The following COL5A2 variants were observed in gnomAD, a reference collection of about 807,000 sequenced individuals.
COL5A2 encodes the protein collagen type V alpha 2 chain, also known as collagen alpha-2(V) chain.
In COL5A2, 23 loss-of-function variants were observed where a neutral mutation model predicts 208.2. The observed-to-expected ratio is 0.11, with a 90% CI of 0.08 to 0.16. COL5A2 has a LOEUF of 0.16. COL5A2 is among the 10% of genes least tolerant of loss of function. COL5A2 has a pLI of 1.00. For missense variants in COL5A2, 1,590 were observed against 1,956.4 expected (o/e 0.81, Z 3.53); for synonymous variants, 625 against 628.5 (o/e 0.99, Z 0.08).
chr2:189,336,755 T>C, the COL5A2 span, among the ~76,000 whole-genome samples: 5 of 152,176 alleles, frequency 3.3e-5, no homozygotes, highest in African/African-American at 9.7e-5. Flanking sequence ...GATGGAACTG[T>C]TATGTATTGG....
At chr2:189,390,053 G>A in the COL5A2 span, among the ~76,000 whole-genome samples, 8 of 151,962 alleles carry the variant, frequency 5.3e-5, no homozygotes, top group South Asian at 4.2e-4. Flanking sequence ...CTGAGCCCTA[G>A]AACAGATTCA....
chr2:189,190,216 A>G (rs1688906210), intron 1 of COL5A2, among the ~76,000 whole-genome samples: 1 of 152,184 alleles, frequency 6.6e-6, no homozygotes, highest in African/African-American at 2.4e-5. Flanking sequence ...GAGTGATATC[A>G]TCTCATGAGA....
the COL5A2 span, among the ~76,000 whole-genome samples, chr2:189,377,467 G>A: frequency 3.3e-5 from 5 of 152,088 alleles, no homozygotes; most frequent in African/African-American, 4.8e-5. Context: ...GGAATTCATG[G>A]TGCTTTCATG....
the COL5A2 span, among the ~76,000 whole-genome samples, chr2:189,380,877 A>G: frequency 6.6e-6 from 1 of 152,010 alleles, no homozygotes; most frequent in African/African-American, 2.4e-5. Flanking sequence ...TAGAAATTCA[A>G]AAACTCAGAG....
chr2:189,409,203 T>C, the COL5A2 span, among the ~76,000 whole-genome samples: 2 of 115,454 alleles, frequency 1.7e-5, no homozygotes, highest in African/African-American at 2.8e-5. Context: ...ATAAATTTAC[T>C]CTTTTTTTTT....
At chr2:189,308,366 C>A in the COL5A2 span, among the ~76,000 whole-genome samples, 1 of 152,116 alleles carries the variant, frequency 6.6e-6, no homozygotes, top group Non-Finnish European at 1.5e-5. Flanking sequence ...AAAATCCAGC[C>A]TGACTCTCTA....
intron 25 of COL5A2, 34 bp from the exon 26 acceptor site, chr2:189,064,067 T>G: frequency 6.4e-7 from 1 of 1,570,590 alleles, no homozygotes; most frequent in Non-Finnish European, 8.8e-7. Context: ...AGTTTGTTGC[T>G]GATATGCAGT....
At chr2:189,173,095 C>T (rs1688605225) in intron 1 of COL5A2, among the ~76,000 whole-genome samples, 2 of 151,178 alleles carry the variant, frequency 1.3e-5, no homozygotes, top group Non-Finnish European at 2.9e-5. Flanking sequence ...CTCAGCCTCC[C>T]GAGTAGCTTG....
chr2:189,270,553 T>C, the COL5A2 span, among the ~76,000 whole-genome samples: 2 of 152,172 alleles, frequency 1.3e-5, no homozygotes, highest in Non-Finnish European at 2.9e-5. Flanking sequence ...AGTTTCTTAA[T>C]CCTGAGTTCT....
At chr2:189,430,764 C>T in the COL5A2 span, among the ~76,000 whole-genome samples, 1 of 152,214 alleles carries the variant, frequency 6.6e-6, no homozygotes, top group South Asian at 2.1e-4. Context: ...CAGGGCATAG[C>T]TGAACAAAAG....
At chr2:189,129,310 T>C (rs944471047) in intron 1 of COL5A2, among the ~76,000 whole-genome samples, 3 of 151,982 alleles carry the variant, frequency 2.0e-5, no homozygotes, top group African/African-American at 4.8e-5. Flanking sequence ...ACTCCTTACA[T>C]TTCACTAAAA....
At chr2:189,362,418 A>G in the COL5A2 span, among the ~76,000 whole-genome samples, 2 of 152,128 alleles carry the variant, frequency 1.3e-5, no homozygotes, top group African/African-American at 4.8e-5. Context: ...TAATTTTACC[A>G]GCAGCATTCT....
intron 17 of COL5A2, among the ~76,000 whole-genome samples, chr2:189,074,935 C>G (rs1277281959): frequency 6.6e-6 from 1 of 152,114 alleles, no homozygotes; most frequent in East Asian, 1.9e-4. Flanking sequence ...TGTTTAAAAT[C>G]CCTGAATGAT....
At chr2:189,036,298 G>T (rs187654463) in intron 52 of COL5A2, among the ~76,000 whole-genome samples, 1 of 152,160 alleles carries the variant, frequency 6.6e-6, no homozygotes, top group African/African-American at 2.4e-5. Flanking sequence ...ATCAACTATG[G>T]CACTATAGTT....
At chr2:189,366,746 C>T in the COL5A2 span, among the ~76,000 whole-genome samples, 1 of 152,202 alleles carries the variant, frequency 6.6e-6, no homozygotes, top group Non-Finnish European at 1.5e-5. Flanking sequence ...AGAAGGGCCT[C>T]TTCCTTTTGC....
chr2:189,394,582 A>C, the COL5A2 span, among the ~76,000 whole-genome samples: 1 of 152,190 alleles, frequency 6.6e-6, no homozygotes, highest in Non-Finnish European at 1.5e-5. Flanking sequence ...CTGATCTCAG[A>C]CTTCCATCTT....
chr2:189,321,239 T>A, the COL5A2 span, among the ~76,000 whole-genome samples: 2 of 152,112 alleles, frequency 1.3e-5, no homozygotes, highest in African/African-American at 2.4e-5. Flanking sequence ...CCATCGATGC[T>A]AGGAGGAAAC....
chr2:189,257,590 CA>C, the COL5A2 span, among the ~76,000 whole-genome samples: 11 of 152,028 alleles, frequency 7.2e-5, no homozygotes, highest in Non-Finnish European at 1.5e-4. Flanking sequence ...GGTGTAACAA[CA>C]AATGTAATTA....
At chr2:189,400,302 T>G in the COL5A2 span, among the ~76,000 whole-genome samples, 18 of 152,306 alleles carry the variant, frequency 1.2e-4, no homozygotes, top group East Asian at 3.5e-3. Context: ...TTCTGGAACT[T>G]CAACTACACA....
Sources: gnomAD v4.1 joint callset for allele counts (sites outside exome capture counted in the v4.1 genomes callset) on GRCh38, gnomAD v4.1.1 for gene constraint, MANE v1.5 for transcripts, NCBI Gene and HGNC (gene_info 2026-07-23, HGNC 2026-07-21) for gene names.